The following TIGAR variants were observed in gnomAD, a reference collection of about 807,000 sequenced individuals.
TIGAR encodes the protein TP53 induced glycolysis regulatory phosphatase, also known as fructose-2,6-bisphosphatase TIGAR.
In TIGAR, 7 loss-of-function variants were observed where a neutral mutation model predicts 17.9. The observed-to-expected ratio is 0.39, with a 90% confidence interval of 0.22 to 0.73. The LOEUF (loss-of-function observed/expected upper bound fraction) is 0.73, where lower values mean the gene tolerates loss of function less well. Among genes scored for constraint, TIGAR ranks in the 30% least tolerant of loss-of-function variants. TIGAR has a pLI of 0.42. For missense variants in TIGAR, 258 were observed against 327.4 expected, an observed-to-expected ratio of 0.79 and a Z score of 1.64; for synonymous variants, 94 against 108.6, an observed-to-expected ratio of 0.87 and a Z score of 0.84.
At chr12:4,350,118 G>A (rs954416110) in intron 4 of TIGAR, among the ~76,000 whole-genome samples, 3 of 152,128 alleles carry the variant, frequency 2.0e-5, no homozygotes, top group East Asian at 1.9e-4. Flanking sequence ...AAGAAGGTAC[G>A]CTCATAAGAA....
chr12:4,324,455 AC>A, intron 1 of TIGAR: 1 of 1,568,100 alleles, frequency 6.4e-7, no homozygotes, highest in East Asian at 2.2e-5. Flanking sequence ...GTGATGGAGA[AC>A]TCGCCCAGGT....
At chr12:4,341,740 C>T (rs965658810) in intron 3 of TIGAR, among the ~76,000 whole-genome samples, 16 of 152,122 alleles carry the variant, frequency 1.1e-4, no homozygotes, top group Admixed American at 7.9e-4. Flanking sequence ...CCCATCTGTA[C>T]GTCACCATCA....
In TIGAR at chr12:4,352,950, A is replaced by G; in HGVS notation, c.*259A>G. 1 of 411,366 alleles carries G rather than the reference A, an allele frequency of 2.4e-6. No individual in the cohort carries two copies. Among genetic ancestry groups the G allele is most frequent in the South Asian group, 6.0e-5 (1 of 16,580 alleles). The allele number at this position is 411,366 out of a possible 1,614,324, so 25.5% of individuals were successfully genotyped here. On this transcript the variant is annotated 3_prime_UTR_variant, in exon 6 of 6. Coordinates refer to ENST00000179259, the MANE Select transcript of TIGAR (RefSeq NM_020375.3). Reference sequence around the variant, plus strand: ...TCTCTGGATTGCACATGGATGATGAAGGAACTCAGCATTGAAAGTTGGGGG... The same window carrying G: ...TCTCTGGATTGCACATGGATGATGAGGGAACTCAGCATTGAAAGTTGGGGG...
chr12:4,321,271 C>T lies in TIGAR; in HGVS notation c.-1C>T, dbSNP rs944563238. The T allele has an allele frequency of 3.1e-6, 5 of 1,601,192 alleles. No homozygotes were observed. The highest frequency in any genetic ancestry group is 1.7e-4 in the Middle Eastern group (1 of 6,060). The stretch of plus-strand genomic sequence containing the variant: ...CACCGACGGGACGCGGCTCCGGGAA[C>T]ATGGCTCGCTTCGCTCTGACTGTTG... On this transcript the variant is annotated 5_prime_UTR_variant, in exon 1 of 6. Transcript: ENST00000179259. This position sits in a 1 kb window ranked among gnomAD's most constrained non-coding sequence, Gnocchi z 5.2.
At chr12:4,333,200 T>G (rs1278222751) in intron 2 of TIGAR, among the ~76,000 whole-genome samples, 1 of 152,212 alleles carries the variant, frequency 6.6e-6, no homozygotes, top group Non-Finnish European at 1.5e-5. Flanking sequence ...TCCATCTCAT[T>G]CCTTTCACTC....
At chr12:4,350,117 C>T (rs1864822330) in intron 4 of TIGAR, among the ~76,000 whole-genome samples, 1 of 152,026 alleles carries the variant, frequency 6.6e-6, no homozygotes, top group South Asian at 2.1e-4. Context: ...AAAGAAGGTA[C>T]GCTCATAAGA....
At chr12:4,322,293 T>C (rs890964652) in intron 1 of TIGAR, among the ~76,000 whole-genome samples, 1 of 152,112 alleles carries the variant, frequency 6.6e-6, no homozygotes, top group African/African-American at 2.4e-5. Flanking sequence ...CACCGCGCCC[T>C]GCTAAGAGCA....
At chr12:4,329,405 T>G (rs1039817297) in intron 1 of TIGAR, among the ~76,000 whole-genome samples, 2 of 146,018 alleles carry the variant, frequency 1.4e-5, no homozygotes, top group Non-Finnish European at 1.5e-5. Context: ...GTGGTGTGAT[T>G]GCAGCTCACT....
intron 2 of TIGAR, among the ~76,000 whole-genome samples, chr12:4,334,031 T>C (rs1864632782): frequency 6.6e-6 from 1 of 152,116 alleles, no homozygotes; most frequent in Non-Finnish European, 1.5e-5. Context: ...CTTACCTGCT[T>C]TTACTTCTTA....
At chr12:4,346,975 G>C (rs1210994553) in intron 3 of TIGAR, among the ~76,000 whole-genome samples, 1 of 152,156 alleles carries the variant, frequency 6.6e-6, no homozygotes, top group Non-Finnish European at 1.5e-5. Flanking sequence ...CAACCACTGT[G>C]AAGAATTGTT....
chr12:4,335,337 ATT>A (rs767180815), intron 2 of TIGAR, among the ~76,000 whole-genome samples: 8 of 144,404 alleles, frequency 5.5e-5, no homozygotes, highest in African/African-American at 2.0e-4. Flanking sequence ...ATGCCCGGCC[ATT>A]TTTTTTTTTT....
intron 3 of TIGAR, among the ~76,000 whole-genome samples, chr12:4,349,074 T>C (rs1051174274): frequency 1.3e-5 from 2 of 152,220 alleles, no homozygotes; most frequent in African/African-American, 4.8e-5. Flanking sequence ...TTAGACACAT[T>C]TGAATGGCGA....
At chr12:4,323,460 A>C (rs1864503663) in intron 1 of TIGAR, among the ~76,000 whole-genome samples, 1 of 152,208 alleles carries the variant, frequency 6.6e-6, no homozygotes, top group Non-Finnish European at 1.5e-5. Context: ...TTAAAAAATA[A>C]GTCTTAATAA....
chr12:4,335,952 C>G (rs1022803565), intron 2 of TIGAR, among the ~76,000 whole-genome samples: 19 of 152,274 alleles, frequency 1.2e-4, no homozygotes, highest in African/African-American at 4.6e-4. Context: ...AAATTGTCTA[C>G]TTATTTTTGA....
rs1013417998 is a variant in TIGAR at position 4,355,606 on chromosome 12, G to A, written c.*2915G>A. ...ATTCAATACGTATTTTTTGAGCATG[G>A]CACACACATGCCAGGCTATTTTAAG... is the stretch of plus-strand genomic sequence containing the variant. On this transcript the variant is annotated 3_prime_UTR_variant, in exon 6 of 6. Transcript: ENST00000179259. Among the ~76,000 whole-genome samples the A allele has an allele frequency of 6.6e-6, 1 of 152,092 alleles. No individual in the cohort carries two copies. The highest frequency in any genetic ancestry group is 2.4e-5 in the African/African-American group (1 of 41,408).
intron 1 of TIGAR, among the ~76,000 whole-genome samples, chr12:4,328,596 A>C (rs575533042): frequency 7.5e-6 from 1 of 134,176 alleles, no homozygotes; most frequent in East Asian, 2.4e-4. Flanking sequence ...TTTTTTTTGG[A>C]GACAGAGTCT....
chr12:4,342,112 G>A (rs1041168469), intron 3 of TIGAR, among the ~76,000 whole-genome samples: 6 of 152,268 alleles, frequency 3.9e-5, no homozygotes, highest in Middle Eastern at 3.4e-3. Context: ...TAGCCAATTC[G>A]ATCAACTGGA....
chr12:4,341,831 C>G (rs1421761735), intron 3 of TIGAR, among the ~76,000 whole-genome samples: 1 of 152,182 alleles, frequency 6.6e-6, no homozygotes, highest in African/African-American at 2.4e-5. Flanking sequence ...AATCAGAGCG[C>G]CTCTCCTCCA....
At chr12:4,331,667 G>T (rs544396406) in intron 2 of TIGAR, among the ~76,000 whole-genome samples, 2 of 152,162 alleles carry the variant, frequency 1.3e-5, no homozygotes, top group Non-Finnish European at 2.9e-5. Context: ...TTACTGACTG[G>T]TGTTAATGGT....
Sources: allele counts gnomAD v4.1 joint callset (sites outside exome capture counted in the v4.1 genomes callset), GRCh38; gene constraint gnomAD v4.1.1; non-coding constraint Gnocchi (gnomAD v3.1); transcripts MANE v1.5; gene names NCBI Gene and HGNC (gene_info 2026-07-23, HGNC 2026-07-21).